CIMIP5: variants seen among roughly 807,000 people sequenced by gnomAD.
The protein encoded by CIMIP5 is uncharacterized protein C2orf50.
chr2:11,133,613 T>C, the CIMIP5 span: 2 of 1,565,816 alleles, frequency 1.3e-6, no homozygotes, highest in Non-Finnish European at 1.7e-6. Context: ...CCCTCCCTTT[T>C]CCACCCTGAC....
At chr2:11,150,205 C>G in the CIMIP5 span, among the ~76,000 whole-genome samples, 2 of 152,310 alleles carry the variant, frequency 1.3e-5, no homozygotes, top group East Asian at 3.9e-4. Flanking sequence ...TCCCAAAGTG[C>G]TGGGATTACA....
At chr2:11,137,994 C>T in the CIMIP5 span, among the ~76,000 whole-genome samples, 6 of 152,070 alleles carry the variant, frequency 3.9e-5, no homozygotes, top group South Asian at 8.3e-4. Flanking sequence ...TACAGGTGCC[C>T]GCTACCACGC....
At chr2:11,140,582 T>C in the CIMIP5 span, 1 of 1,490,262 alleles carries the variant, frequency 6.7e-7, no homozygotes, top group Non-Finnish European at 9.2e-7. Context: ...CAAACATACT[T>C]GCAATTGAAT....
the CIMIP5 span, among the ~76,000 whole-genome samples, chr2:11,140,262 C>G: frequency 6.6e-6 from 1 of 151,242 alleles, no homozygotes. Flanking sequence ...GTAGTCCCAG[C>G]TACTCGGGAG....
At chr2:11,142,994 G>T in the CIMIP5 span, among the ~76,000 whole-genome samples, 2 of 152,174 alleles carry the variant, frequency 1.3e-5, no homozygotes, top group Non-Finnish European at 2.9e-5. Flanking sequence ...AAGAGCCATG[G>T]TGCCTGGCCA....
the CIMIP5 span, among the ~76,000 whole-genome samples, chr2:11,150,169 A>G: frequency 6.6e-6 from 1 of 151,958 alleles, no homozygotes; most frequent in East Asian, 1.9e-4. Context: ...GCTGGTCTCG[A>G]ACCTCGTGAT....
the CIMIP5 span, among the ~76,000 whole-genome samples, chr2:11,151,549 G>A: frequency 6.6e-6 from 1 of 152,252 alleles, no homozygotes; most frequent in African/African-American, 2.4e-5. Flanking sequence ...AGAGCCAGCT[G>A]TGCGGGAGAT....
the CIMIP5 span, among the ~76,000 whole-genome samples, chr2:11,140,086 C>CAAAAAACAAAAAAAA: frequency 1.2e-5 from 1 of 84,798 alleles, no homozygotes; most frequent in Non-Finnish European, 2.1e-5. Context: ...GACTCCCTCT[C>CAAAAAACAAAAAAAA]AAAAAAAAAA....
At chr2:11,150,137 G>A in the CIMIP5 span, among the ~76,000 whole-genome samples, 68 of 151,698 alleles carry the variant, frequency 4.5e-4, no homozygotes, top group Non-Finnish European at 6.8e-4. Context: ...TAGTAGAGAC[G>A]GGGTTTCACC....
the CIMIP5 span, among the ~76,000 whole-genome samples, chr2:11,150,105 C>T: frequency 2.6e-5 from 4 of 152,060 alleles, no homozygotes; most frequent in East Asian, 7.8e-4. Flanking sequence ...TGCCACCATG[C>T]CCAGCTAATT....
chr2:11,137,378 A>T, the CIMIP5 span, among the ~76,000 whole-genome samples: 1 of 150,770 alleles, frequency 6.6e-6, no homozygotes, highest in East Asian at 1.9e-4. Flanking sequence ...CATCTCAAAA[A>T]AAAACAAAAA....
chr2:11,135,133 C>T, the CIMIP5 span, among the ~76,000 whole-genome samples: 1 of 152,190 alleles, frequency 6.6e-6, no homozygotes, highest in Non-Finnish European at 1.5e-5. Flanking sequence ...ATTCGTGACC[C>T]AAACACCTCC....
the CIMIP5 span, chr2:11,144,062 C>T: frequency 6.2e-7 from 1 of 1,600,196 alleles, no homozygotes; most frequent in Non-Finnish European, 8.5e-7. Context: ...TTCTTCTTCA[C>T]AGAAGGGGCC....
the CIMIP5 span, among the ~76,000 whole-genome samples, chr2:11,154,012 T>C: frequency 6.6e-6 from 1 of 152,154 alleles, no homozygotes; most frequent in Admixed American, 6.5e-5. Flanking sequence ...GGTCTGGCTC[T>C]GTCTCCCAGG....
chr2:11,143,066 G>A, the CIMIP5 span, among the ~76,000 whole-genome samples: 3 of 152,082 alleles, frequency 2.0e-5, no homozygotes, highest in Admixed American at 6.6e-5. Flanking sequence ...CCAAACGCAC[G>A]TTCACATATG....
the CIMIP5 span, among the ~76,000 whole-genome samples, chr2:11,137,707 A>G: frequency 6.6e-6 from 1 of 152,238 alleles, no homozygotes; most frequent in Non-Finnish European, 1.5e-5. Flanking sequence ...AAAGTGAGAC[A>G]TGGAATTCCC....
the CIMIP5 span, chr2:11,146,494 G>C: frequency 4.6e-5 from 7 of 152,190 alleles, no homozygotes; most frequent in African/African-American, 1.7e-4. Context: ...TCCAATCTCT[G>C]GGATCCCTAC....
the CIMIP5 span, among the ~76,000 whole-genome samples, chr2:11,152,852 GC>G: frequency 0.022 from 3,294 of 152,218 alleles, 133 homozygotes; most frequent in African/African-American, 0.075. Context: ...TTCCTGCATG[GC>G]CCAAACCTGG....
At chr2:11,145,747 G>A in the CIMIP5 span, 4 of 152,350 alleles carry the variant, frequency 2.6e-5, no homozygotes, top group African/African-American at 9.6e-5. Flanking sequence ...CTTGGAGGAT[G>A]CAGGGAAGAG....
Sources: allele counts gnomAD v4.1 joint callset (sites outside exome capture counted in the v4.1 genomes callset), GRCh38; gene constraint gnomAD v4.1.1; transcripts MANE v1.5; gene names NCBI Gene and HGNC (gene_info 2026-07-23, HGNC 2026-07-21).